PRR16: variants seen among roughly 807,000 people sequenced by gnomAD.
PRR16 encodes the protein protein Largen.
Under a neutral mutation model 18.2 loss-of-function variants are expected in PRR16, and 6 were observed. The observed-to-expected ratio is 0.33, with a 90% CI of 0.18 to 0.65. The LOEUF (loss-of-function observed/expected upper bound fraction) is 0.65. Among genes scored for constraint, PRR16 ranks in the 30% least tolerant of loss-of-function variants. The pLI is 0.74. For synonymous variants in PRR16, 151 were observed against 147.8 expected (o/e 1.02, Z -0.16); for missense variants, 412 against 376.6 (o/e 1.09, Z -0.78).
chr5:120,754,915 T>C, the PRR16 span, among the ~76,000 whole-genome samples: 4 of 151,434 alleles, frequency 2.6e-5, no homozygotes, highest in Non-Finnish European at 5.9e-5. Flanking sequence ...GATAATGCTA[T>C]AGAAAATTGG....
the PRR16 span, among the ~76,000 whole-genome samples, chr5:120,736,019 A>C: frequency 6.6e-6 from 1 of 152,210 alleles, no homozygotes; most frequent in East Asian, 1.9e-4. Flanking sequence ...GGATCCAATT[A>C]TTTTCTTTTG....
the PRR16 span, among the ~76,000 whole-genome samples, chr5:120,708,845 T>C: frequency 6.6e-6 from 1 of 152,088 alleles, no homozygotes; most frequent in Non-Finnish European, 1.5e-5. Flanking sequence ...TTGGTTATAC[T>C]GGAATCCCTG....
chr5:120,757,218 AGCCTT>A, the PRR16 span, among the ~76,000 whole-genome samples: 7 of 152,098 alleles, frequency 4.6e-5, no homozygotes, highest in East Asian at 1.4e-3. Context: ...TGGTTACTGT[AGCCTT>A]ATAGTACAGT....
At chr5:120,575,676 A>C (rs1167532178) in intron 1 of PRR16, among the ~76,000 whole-genome samples, 1 of 152,128 alleles carries the variant, frequency 6.6e-6, no homozygotes, top group Non-Finnish European at 1.5e-5. Flanking sequence ...ATAGACAAAC[A>C]CAGAGCTACC....
intron 1 of PRR16, among the ~76,000 whole-genome samples, chr5:120,619,526 A>G (rs1754619768): frequency 6.6e-6 from 1 of 152,136 alleles, no homozygotes. Flanking sequence ...AATTGAAAAC[A>G]TCATAGGTTA....
At chr5:120,748,289 A>G in the PRR16 span, among the ~76,000 whole-genome samples, 20 of 152,262 alleles carry the variant, frequency 1.3e-4, no homozygotes, top group Non-Finnish European at 2.9e-5. Context: ...GTTAATATCT[A>G]TCTCTTTCAG....
chr5:120,527,922 A>G (rs1751422961), intron 1 of PRR16, among the ~76,000 whole-genome samples: 1 of 152,230 alleles, frequency 6.6e-6, no homozygotes, highest in African/African-American at 2.4e-5. Context: ...GTATATGCCT[A>G]ATGTAAAAAC....
the PRR16 span, among the ~76,000 whole-genome samples, chr5:120,719,034 AAATG>A: frequency 6.6e-6 from 1 of 152,116 alleles, no homozygotes; most frequent in Admixed American, 6.6e-5. Flanking sequence ...ACCTGATTAT[AAATG>A]AATGCTGTTT....
intron 1 of PRR16, among the ~76,000 whole-genome samples, chr5:120,558,805 A>C (rs1752492151): frequency 1.3e-5 from 2 of 151,900 alleles, no homozygotes. Context: ...CCTTTCCAGC[A>C]ATTGTTATTG....
intron 1 of PRR16, among the ~76,000 whole-genome samples, chr5:120,588,283 G>C (rs1753518229): frequency 6.6e-6 from 1 of 152,156 alleles, no homozygotes. Flanking sequence ...GGCGGGGTTT[G>C]AAAGGATTGA....
At chr5:120,724,542 C>T in the PRR16 span, among the ~76,000 whole-genome samples, 5,654 of 152,086 alleles carry the variant, frequency 0.037, 122 homozygotes, top group Middle Eastern at 0.058. Flanking sequence ...TTTTATATTA[C>T]GATTTTCAGA....
the PRR16 span, among the ~76,000 whole-genome samples, chr5:120,714,778 G>T: frequency 1.3e-5 from 2 of 152,098 alleles, no homozygotes; most frequent in African/African-American, 2.4e-5. Flanking sequence ...AGAAAATGTG[G>T]CACATATACA....
the PRR16 span, among the ~76,000 whole-genome samples, chr5:120,729,869 G>A: frequency 6.6e-6 from 1 of 152,040 alleles, no homozygotes; most frequent in Non-Finnish European, 1.5e-5. Context: ...GGAGGGCTTT[G>A]CATGCCATAT....
At chr5:120,756,834 G>A in the PRR16 span, among the ~76,000 whole-genome samples, 6 of 151,934 alleles carry the variant, frequency 3.9e-5, no homozygotes, top group Non-Finnish European at 5.9e-5. Context: ...TTTTGTTGCA[G>A]TTGCTTTTTA....
intron 1 of PRR16, among the ~76,000 whole-genome samples, chr5:120,557,921 G>A (rs903320602): frequency 6.6e-6 from 1 of 151,788 alleles, no homozygotes; most frequent in Non-Finnish European, 1.5e-5. Context: ...AGGACGTAAG[G>A]TGTTGGGTTA....
chr5:120,536,617 GA>G (rs1751725199), intron 1 of PRR16, among the ~76,000 whole-genome samples: 1 of 152,086 alleles, frequency 6.6e-6, no homozygotes, highest in African/African-American at 2.4e-5. Flanking sequence ...TTGTTATGTG[GA>G]AAAAGGTGTG....
chr5:120,751,154 T>G, the PRR16 span, among the ~76,000 whole-genome samples: 1 of 152,206 alleles, frequency 6.6e-6, no homozygotes, highest in Non-Finnish European at 1.5e-5. Context: ...AGTATTCCAC[T>G]GTATATGAAC....
At chr5:120,578,560 C>T (rs574379665) in intron 1 of PRR16, among the ~76,000 whole-genome samples, 1 of 152,308 alleles carries the variant, frequency 6.6e-6, no homozygotes, top group East Asian at 1.9e-4. Flanking sequence ...ATTCATGTCC[C>T]TGCAAAGGAC....
At chr5:120,723,894 G>A in the PRR16 span, among the ~76,000 whole-genome samples, 2 of 150,428 alleles carry the variant, frequency 1.3e-5, no homozygotes, top group Non-Finnish European at 3.0e-5. Flanking sequence ...TATTCTTAAG[G>A]TTTTGCATTA....
Sources: gnomAD v4.1 joint callset for allele counts (sites outside exome capture counted in the v4.1 genomes callset) on GRCh38, gnomAD v4.1.1 for gene constraint, MANE v1.5 for transcripts, NCBI Gene and HGNC (gene_info 2026-07-23, HGNC 2026-07-21) for gene names.